Variants in UQCR10 observed in about 807,000 individuals in gnomAD.
UQCR10 encodes ubiquinol-cytochrome c reductase, complex III subunit X.
Under a neutral mutation model 6.0 loss-of-function variants are expected in UQCR10, and 5 were observed. The ratio of observed to expected loss-of-function variants is 0.83; its 90% CI spans 0.43 to 1.74. The LOEUF is 1.74. Among genes scored for constraint, UQCR10 ranks in the 40% most tolerant of loss-of-function variants. The pLI is 0.02. For missense variants in UQCR10, 101 were observed against 85.1 expected (o/e 1.19, Z -0.74); for synonymous variants, 40 against 37.4 (o/e 1.07, Z -0.26).
In UQCR10 at chr22:29,769,838, C is replaced by A; in HGVS notation, c.*119C>A. On this transcript the variant is annotated 3_prime_UTR_variant, in exon 2 of 2. Transcript: ENST00000330029. ...GGTACTCTTCATGGACCACCATTCG[C>A]TGTTGGCAAGAAACGGCTTTACTTA... 8.3e-7 allele frequency: 1 copy of A among 1,203,890 alleles called. No individual in the cohort carries two copies. The highest frequency in any genetic ancestry group is 1.2e-6 in the Non-Finnish European group (1 of 831,092). 74.6% of individuals were successfully genotyped at this position (1,203,890 alleles called of 1,614,324 possible).
chr22:29,769,475 C>T (rs1223034591), intron 1 of UQCR10, among the ~76,000 whole-genome samples: 2 of 151,874 alleles, frequency 1.3e-5, no homozygotes, highest in Non-Finnish European at 2.9e-5. Context: ...CCAGCCTGGG[C>T]GATAGAGCGA....
At chr22:29,769,428 C>G (rs1476122911) in intron 1 of UQCR10, among the ~76,000 whole-genome samples, 1 of 152,052 alleles carries the variant, frequency 6.6e-6, no homozygotes, top group Non-Finnish European at 1.5e-5. Flanking sequence ...ACCCAAGAGG[C>G]TGAGGTTGCA....
intron 1 of UQCR10, among the ~76,000 whole-genome samples, chr22:29,767,766 G>A (rs1312264143): frequency 6.6e-6 from 1 of 152,144 alleles, no homozygotes; most frequent in Non-Finnish European, 1.5e-5. Context: ...TGTAAGTATT[G>A]CTGTGTGCCA....
rs776505249 is a variant in UQCR10 at position 29,767,595 on chromosome 22, C to CA, written c.150+48dup. On this transcript the variant is annotated intron_variant, in intron 1 of 1. Transcript: ENST00000330029. The stretch of plus-strand genomic sequence containing the variant: ...GACCTTGGACCCGCCTGAGGGGTGA[C>CA]AGTGGAGTAGAGGTGGGATGGGACT... The CA allele has an allele frequency of 1.9e-6, 3 of 1,550,330 alleles. No homozygotes were observed. In the South Asian group the frequency reaches 3.4e-5, roughly 18 times the overall value.
At chr22:29,767,930 G>A (rs569965271) in intron 1 of UQCR10, among the ~76,000 whole-genome samples, 18 of 152,150 alleles carry the variant, frequency 1.2e-4, no homozygotes, top group Non-Finnish European at 2.2e-4. Flanking sequence ...AGCAGGCGAC[G>A]GTCGTGAAAA....
chr22:29,768,640 T>G (rs867909937), intron 1 of UQCR10, among the ~76,000 whole-genome samples: 3 of 151,208 alleles, frequency 2.0e-5, no homozygotes, highest in African/African-American at 7.3e-5. Context: ...TTGTTTTGTT[T>G]TTTTGAGACA....
intron 1 of UQCR10, 74 bp downstream of exon 1, chr22:29,767,622 A>G: frequency 1.9e-6 from 3 of 1,555,034 alleles, no homozygotes; most frequent in Non-Finnish European, 2.6e-6. Context: ...GATGGGACTC[A>G]GTATACTTTT....
chr22:29,769,412 G>A (rs1447257451), intron 1 of UQCR10, among the ~76,000 whole-genome samples: 7 of 152,022 alleles, frequency 4.6e-5, no homozygotes, highest in East Asian at 3.9e-4. Context: ...CAGGAGAATC[G>A]CTCGAACCCA....
intron 1 of UQCR10, among the ~76,000 whole-genome samples, chr22:29,768,648 A>G (rs967875226): frequency 6.6e-6 from 1 of 150,402 alleles, no homozygotes; most frequent in Non-Finnish European, 1.5e-5. Context: ...TTTTTTTGAG[A>G]CAGGATCTCA....
At chr22:29,768,459 C>T (rs967876310) in intron 1 of UQCR10, among the ~76,000 whole-genome samples, 1 of 152,182 alleles carries the variant, frequency 6.6e-6, no homozygotes, top group Admixed American at 6.5e-5. Context: ...CGGGAAGGCA[C>T]TGTCCACTAG....
In UQCR10 at chr22:29,770,047, TCTG is replaced by T; in HGVS notation, c.*331_*333del. The T allele has an allele frequency of 2.2e-6, 1 of 459,754 alleles. No homozygotes were observed. 28.5% of individuals were successfully genotyped at this position (459,754 alleles called of 1,614,324 possible). ...CTCTGCAAACACCCCAAAGGCAGAATCTGCTATTTTGAGTTTTCCATTAACTTC... is the reference window on the plus strand; with the variant it reads ...CTCTGCAAACACCCCAAAGGCAGAATCTATTTTGAGTTTTCCATTAACTTC... On this transcript the variant is annotated 3_prime_UTR_variant, in exon 2 of 2. Coordinates refer to ENST00000330029, the MANE Select transcript of UQCR10 (RefSeq NM_013387.4).
Position 29,767,409 on chromosome 22 carries a change from C to T in UQCR10, c.11C>T (p.Ala4Val), listed in dbSNP as rs1164305036. Residue 4 changes from alanine (A) to valine (V), a missense_variant, in exon 1 of 2, where the codon GCG becomes GTG. Coordinates refer to ENST00000330029, the MANE Select transcript of UQCR10 (RefSeq NM_013387.4). Reference sequence around the variant, plus strand: ...GGACTGTGAAGAAACATGGCGGCCGCGACGTTGACTTCGAAATTGTACTCC... The same window carrying T: ...GGACTGTGAAGAAACATGGCGGCCGTGACGTTGACTTCGAAATTGTACTCC... MAAATLTSKLYSLL... is the reference protein window; with the variant it reads MAAVTLTSKLYSLL... The T allele has an allele frequency of 5.0e-6, 8 of 1,612,910 alleles. No individual in the cohort carries two copies. Among genetic ancestry groups the T allele is most frequent in the East Asian group, 2.2e-5 (1 of 44,840 alleles).
In UQCR10 at chr22:29,770,297, T is replaced by G; in HGVS notation, c.*578T>G. The stretch of plus-strand genomic sequence containing the variant: ...AATCCTTTGGCTTCCCTGGGCCATG[T>G]TGGAAGAATTGTCTTGGGCCACACA... On this transcript the variant is annotated 3_prime_UTR_variant, in exon 2 of 2. Transcript: ENST00000330029. 2 of 229,492 alleles carry G rather than the reference T, an allele frequency of 8.7e-6. No individual in the cohort carries two copies. Among genetic ancestry groups the G allele is most frequent in the South Asian group, 1.2e-4 (2 of 16,356 alleles). The allele number at this position is 229,492 out of a possible 1,614,324, so 14.2% of individuals were successfully genotyped here.
At chr22:29,769,540 C>A in intron 1 of UQCR10, 138 bp from the exon 2 acceptor site, 1 of 958,382 alleles carries the variant, frequency 1.0e-6, no homozygotes, top group South Asian at 1.7e-5. Flanking sequence ...TCGAGTTTGC[C>A]CACCACAAGT....
In UQCR10 at chr22:29,767,523, C is replaced by CTAT. The variant is rs755626253; in HGVS notation, c.126_128dup (p.Ile43dup). Reference sequence around the variant, plus strand: ...CGCGCCTTCGATCAAGGCGCGGACGCTATCTACGACCACATCAACGAGGGG... The same window carrying CTAT: ...CGCGCCTTCGATCAAGGCGCGGACGCTATTATCTACGACCACATCAACGAGGGG... On this transcript the variant is annotated inframe_insertion, in exon 1 of 2. Coordinates refer to ENST00000330029, the MANE Select transcript of UQCR10 (RefSeq NM_013387.4). The CTAT allele has an allele frequency of 1.2e-6, 2 of 1,613,996 alleles. No homozygotes were observed. The highest frequency in any genetic ancestry group is 2.2e-5 in the South Asian group (2 of 91,084).
chr22:29,769,565 A>G, intron 1 of UQCR10, 113 bp from the exon 2 acceptor site: 1 of 1,151,286 alleles, frequency 8.7e-7, no homozygotes, highest in Non-Finnish European at 1.2e-6. Flanking sequence ...CTTTTTAATC[A>G]GGACATGGCA....
At chr22:29,767,887 C>A (rs1367175159) in intron 1 of UQCR10, among the ~76,000 whole-genome samples, 1 of 152,092 alleles carries the variant, frequency 6.6e-6, no homozygotes, top group Non-Finnish European at 1.5e-5. Flanking sequence ...AGAAACGGGA[C>A]CCCTGTCTCT....
Position 29,767,566 on chromosome 22 carries a change from C to T in UQCR10, c.150+18C>T. 1 of 1,611,248 alleles carries T rather than the reference C, an allele frequency of 6.2e-7. No homozygotes were observed. Among genetic ancestry groups the T allele is most frequent in the Non-Finnish European group, 8.5e-7 (1 of 1,177,764 alleles). On this transcript the variant is annotated intron_variant, in intron 1 of 1. Transcript: ENST00000330029. ...ACGAGGGGGTGAGGGCCTGTGCCAT[C>T]CCTGACCTTGGACCCGCCTGAGGGG... is the stretch of plus-strand genomic sequence containing the variant.
At chr22:29,768,197 C>T (rs2068237630) in intron 1 of UQCR10, among the ~76,000 whole-genome samples, 1 of 152,150 alleles carries the variant, frequency 6.6e-6, no homozygotes. Context: ...ACATGAGATG[C>T]AGGCAGGGTG....
Sources: gnomAD v4.1 joint callset for allele counts (sites outside exome capture counted in the v4.1 genomes callset) on GRCh38, gnomAD v4.1.1 for gene constraint, MANE v1.5 for transcripts, NCBI Gene and HGNC (gene_info 2026-07-23, HGNC 2026-07-21) for gene names.